LIN52: variants seen among roughly 807,000 people sequenced by gnomAD.
LIN52 encodes lin-52 DREAM MuvB core complex component.
A neutral mutation model predicts 18.5 loss-of-function variants in LIN52; 4 were observed. The observed-to-expected ratio is 0.22, with a 90% confidence interval of 0.11 to 0.49. The LOEUF (loss-of-function observed/expected upper bound fraction) is 0.49. Among genes scored for constraint, LIN52 ranks in the 20% least tolerant of loss-of-function variants. The probability of loss-of-function intolerance (pLI) is 0.97; values close to 1 mark genes in which losing one functional copy is unlikely to be tolerated. For missense variants in LIN52, 102 were observed against 139.5 expected, an observed-to-expected ratio of 0.73 and a Z score of 1.35; for synonymous variants, 34 against 45.5, an observed-to-expected ratio of 0.75 and a Z score of 1.02.
chr14:74,171,736 C>CTTTTTTT (rs534860812), intron 5 of LIN52, among the ~76,000 whole-genome samples: 9 of 122,706 alleles, frequency 7.3e-5, no homozygotes, highest in African/African-American at 1.3e-4. Flanking sequence ...TATTTTAATT[C>CTTTTTTT]TTTTTTTTTT....
rs1204666150 is a variant in LIN52, at chr14:74,095,140, CAACT to C, written c.95-803_95-800del. Among the ~76,000 whole-genome samples, 5 of 141,632 alleles carry C rather than the reference CAACT, an allele frequency of 3.5e-5. No individual in the cohort carries two copies. The South Asian group carries it at 9.7e-4, about 28-fold the overall frequency. The allele number at this position is 141,632 out of a possible 152,430, so 92.9% of individuals were successfully genotyped here. On this transcript the variant is annotated intron_variant, in intron 2 of 5. Coordinates refer to ENST00000555028, the MANE Select transcript of LIN52 (RefSeq NM_001024674.3). ...GACTATAGGTGTGCATTACCATGCC[CAACT>C]AACTGTTTTTTTTTTTTTTTTTTTT...
At chr14:74,123,047 C>T (rs777926906) in intron 5 of LIN52, among the ~76,000 whole-genome samples, 2 of 152,164 alleles carry the variant, frequency 1.3e-5, no homozygotes, top group African/African-American at 2.4e-5. Context: ...ACTCTTAGCT[C>T]ACTGTCTGGA....
At chr14:74,193,834 A>G (rs2078895248) in intron 5 of LIN52, among the ~76,000 whole-genome samples, 1 of 152,110 alleles carries the variant, frequency 6.6e-6, no homozygotes, top group Non-Finnish European at 1.5e-5. Flanking sequence ...GGCCACTCAT[A>G]TTACAATCTC....
rs535924693 is a variant in LIN52 at position 74,108,868 on chromosome 14, T to C, written c.283+7630T>C. 3.9e-5 allele frequency among the ~76,000 whole-genome samples: 6 copies of C among 152,334 alleles called. No individual in the cohort carries two copies. In the South Asian group the frequency reaches 1.2e-3, roughly 32 times the overall value. ...CTCATTCTATGGGTTGTCTTTTTAC[T>C]TTCTTAATGGTGTCCTTTGAATCAC... On this transcript the variant is annotated intron_variant, in intron 5 of 5. Transcript: ENST00000555028.
intron 1 of LIN52, among the ~76,000 whole-genome samples, chr14:74,090,114 G>T (rs935487012): frequency 3.3e-5 from 5 of 151,234 alleles, no homozygotes; most frequent in Admixed American, 2.0e-4. Flanking sequence ...CACCTCCCAG[G>T]TTCAAACGAT....
At chr14:74,175,681 A>G (rs1308222452) in intron 5 of LIN52, among the ~76,000 whole-genome samples, 1 of 149,716 alleles carries the variant, frequency 6.7e-6, no homozygotes, top group African/African-American at 2.5e-5. Flanking sequence ...TGGGTGGCAA[A>G]GCAAGATCCC....
intron 5 of LIN52, among the ~76,000 whole-genome samples, chr14:74,161,820 A>G (rs144539807): frequency 1.2e-3 from 186 of 152,330 alleles, no homozygotes; most frequent in Non-Finnish European, 2.1e-3. Flanking sequence ...CTGCACGCCA[A>G]CCTGCTTGTC....
Position 74,201,377 on chromosome 14 carries a change from A to T in LIN52, c.*2400A>T, listed in dbSNP as rs1055202128. ...ATAGTTGGGGGCTTTACAGTCATCT[A>T]CTTGGTCTCCTGCCTTCCATTCTAT... On this transcript the variant is annotated 3_prime_UTR_variant, in exon 6 of 6. Transcript: ENST00000555028. 1 of 152,152 alleles carries T rather than the reference A, an allele frequency of 6.6e-6. No homozygotes were observed. The highest frequency in any genetic ancestry group is 2.4e-5 in the African/African-American group (1 of 41,438). 9.4% of individuals were successfully genotyped at this position (152,152 alleles called of 1,614,324 possible).
intron 5 of LIN52, among the ~76,000 whole-genome samples, chr14:74,149,047 A>C (rs548924839): frequency 6.6e-6 from 1 of 152,314 alleles, no homozygotes; most frequent in African/African-American, 2.4e-5. Context: ...TTTCTTCTAC[A>C]TGTTAAATGT....
chr14:74,123,302 T>C (rs2061009958), intron 5 of LIN52, among the ~76,000 whole-genome samples: 1 of 152,308 alleles, frequency 6.6e-6, no homozygotes, highest in East Asian at 1.9e-4. Flanking sequence ...GCATAAAGGA[T>C]GGGTTCTATA....
intron 5 of LIN52, among the ~76,000 whole-genome samples, chr14:74,137,424 A>C: frequency 6.6e-6 from 1 of 151,534 alleles, no homozygotes; most frequent in South Asian, 2.1e-4. Flanking sequence ...GATCCAGTCC[A>C]AGTTCTGGCA....
intron 5 of LIN52, among the ~76,000 whole-genome samples, chr14:74,140,741 A>G (rs2061125837): frequency 6.6e-6 from 1 of 152,200 alleles, no homozygotes; most frequent in Non-Finnish European, 1.5e-5. Flanking sequence ...GAGGCTGGGT[A>G]TTATCATCAC....
intron 5 of LIN52, among the ~76,000 whole-genome samples, chr14:74,128,271 C>T (rs2139933837): frequency 6.6e-6 from 1 of 151,984 alleles, no homozygotes; most frequent in Admixed American, 6.5e-5. Flanking sequence ...GTGGAGAGGC[C>T]AAGACAGCTA....
intron 5 of LIN52, among the ~76,000 whole-genome samples, chr14:74,137,498 C>CTCTTTTTTTTTTTTTTT (rs776969152): frequency 2.7e-5 from 3 of 111,624 alleles, no homozygotes; most frequent in African/African-American, 1.1e-4. Context: ...CAGCAGCTCT[C>CTCTTTTTTTTTTTTTTT]TTTTTTTTTT....
In LIN52 at chr14:74,097,871, C is replaced by T. The variant is rs770595504; in HGVS notation, c.199+11C>T. 1 of 1,588,196 alleles carries T rather than the reference C, an allele frequency of 6.3e-7. No individual in the cohort carries two copies. The highest frequency in any genetic ancestry group is 2.2e-5 in the East Asian group (1 of 44,720). ...TCGACATGTTGAAAGGTAAGTGATG[C>T]TAGTTACCACTTTTAACTGGATATT... On this transcript the variant is annotated intron_variant, in intron 4 of 5. Transcript: ENST00000555028.
At chr14:74,165,760 C>G (rs898808436) in intron 5 of LIN52, among the ~76,000 whole-genome samples, 2 of 151,950 alleles carry the variant, frequency 1.3e-5, no homozygotes, top group African/African-American at 4.8e-5. Context: ...CCGCCCACCT[C>G]CGCCTCCCAA....
intron 5 of LIN52, among the ~76,000 whole-genome samples, chr14:74,157,561 G>T (rs2061205065): frequency 6.6e-6 from 1 of 151,614 alleles, no homozygotes; most frequent in Non-Finnish European, 1.5e-5. Context: ...CGACCTCCTG[G>T]ACTGAAGGGA....
intron 5 of LIN52, among the ~76,000 whole-genome samples, chr14:74,132,757 T>A (rs1300071784): frequency 6.6e-6 from 1 of 152,206 alleles, no homozygotes; most frequent in Non-Finnish European, 1.5e-5. Context: ...TCCGCCCGCC[T>A]CGGCCTCCCA....
chr14:74,118,102 A>G (rs940880499), intron 5 of LIN52, among the ~76,000 whole-genome samples: 5 of 152,104 alleles, frequency 3.3e-5, no homozygotes, highest in Non-Finnish European at 7.4e-5. Context: ...TATTGAATGA[A>G]AAGAGAAAAG....
Sources: gnomAD v4.1 joint callset for allele counts (sites outside exome capture counted in the v4.1 genomes callset) on GRCh38, gnomAD v4.1.1 for gene constraint, MANE v1.5 for transcripts, NCBI Gene and HGNC (gene_info 2026-07-23, HGNC 2026-07-21) for gene names.